The following MAPK10 variants were observed in gnomAD, a reference collection of about 807,000 sequenced individuals.
The protein encoded by MAPK10 is mitogen-activated protein kinase 10.
In MAPK10, 25 loss-of-function variants were observed where a neutral mutation model predicts 59.3. That is an observed-to-expected ratio of 0.42 (90% confidence interval 0.31 to 0.59). The LOEUF (loss-of-function observed/expected upper bound fraction) is 0.59. MAPK10 is among the 20% of genes least tolerant of loss of function. The probability of loss-of-function intolerance (pLI) is 0.15; values close to 1 mark genes in which losing one functional copy is unlikely to be tolerated. For synonymous variants in MAPK10, 190 were observed against 200.5 expected (o/e 0.95, Z 0.44); for missense variants, 351 against 568.9 (o/e 0.62, Z 3.90).
At chr4:86,208,523 T>C (rs1474274612) in intron 2 of MAPK10, among the ~76,000 whole-genome samples, 1 of 151,300 alleles carries the variant, frequency 6.6e-6, no homozygotes, top group Non-Finnish European at 1.5e-5. Flanking sequence ...GAAAAGGCCT[T>C]TGACAAAATT....
At chr4:86,317,732 T>C (rs2095817227) in intron 2 of MAPK10, among the ~76,000 whole-genome samples, 1 of 152,206 alleles carries the variant, frequency 6.6e-6, no homozygotes, top group Admixed American at 6.5e-5. Flanking sequence ...CCATAAATAA[T>C]CCTGGAAATT....
At chr4:86,184,660 C>T (rs1429207843) in intron 3 of MAPK10, among the ~76,000 whole-genome samples, 1 of 152,100 alleles carries the variant, frequency 6.6e-6, no homozygotes, top group South Asian at 2.1e-4. Context: ...CTTATGAGAT[C>T]TGGTTGCTTA....
chr4:86,216,688 T>C (rs1434771269), intron 2 of MAPK10, among the ~76,000 whole-genome samples: 1 of 152,030 alleles, frequency 6.6e-6, no homozygotes, highest in African/African-American at 2.4e-5. Context: ...AAGTAATTAT[T>C]GTTAGAACAT....
chr4:86,217,149 A>G (rs1171001953), intron 2 of MAPK10, among the ~76,000 whole-genome samples: 1 of 152,164 alleles, frequency 6.6e-6, no homozygotes, highest in Non-Finnish European at 1.5e-5. Flanking sequence ...TTTCTCACCA[A>G]AATTTGGCCA....
chr4:86,518,177 T>C (rs973520956), intron 1 of MAPK10, among the ~76,000 whole-genome samples: 1 of 152,156 alleles, frequency 6.6e-6, no homozygotes, highest in African/African-American at 2.4e-5. Context: ...CATGCTCCAC[T>C]ATACCCGGCT....
intron 11 of MAPK10, among the ~76,000 whole-genome samples, chr4:86,059,529 G>T (rs1486049916): frequency 6.6e-6 from 1 of 152,040 alleles, no homozygotes; most frequent in Non-Finnish European, 1.5e-5. Flanking sequence ...CTGTTTCCCA[G>T]GTTATACTCT....
chr4:86,421,480 C>T (rs905655870), intron 1 of MAPK10, among the ~76,000 whole-genome samples: 1 of 152,172 alleles, frequency 6.6e-6, no homozygotes, highest in African/African-American at 2.4e-5. Context: ...CTTGCACACT[C>T]ACAAGTGTCT....
chr4:86,402,987 C>A (rs368089641), intron 1 of MAPK10, among the ~76,000 whole-genome samples: 39 of 152,128 alleles, frequency 2.6e-4, no homozygotes, highest in African/African-American at 7.2e-4. Context: ...ATGGCTGACA[C>A]CTATAGTGAG....
chr4:86,189,661 G>C (rs973660965), intron 3 of MAPK10, among the ~76,000 whole-genome samples: 39 of 152,230 alleles, frequency 2.6e-4, no homozygotes, highest in African/African-American at 8.9e-4. Flanking sequence ...GAGATGATGA[G>C]GTTTTCTAAA....
chr4:86,124,237 T>G (rs1266465869), intron 4 of MAPK10: 1 of 151,898 alleles, frequency 6.6e-6, no homozygotes, highest in African/African-American at 2.4e-5. Flanking sequence ...TAATTCACAT[T>G]GGGTCCAAAT....
intron 1 of MAPK10, among the ~76,000 whole-genome samples, chr4:86,441,395 TTC>T (rs1749411750): frequency 6.6e-6 from 1 of 152,196 alleles, no homozygotes; most frequent in Admixed American, 6.5e-5. Flanking sequence ...CTTCAACAGT[TTC>T]TCTCAGTTTA....
chr4:86,052,503 A>T (rs957968023), intron 11 of MAPK10, among the ~76,000 whole-genome samples: 8 of 152,160 alleles, frequency 5.3e-5, no homozygotes, highest in Non-Finnish European at 1.0e-4. Context: ...GTTTTTCAAA[A>T]GCCCCCAGAA....
chr4:86,582,995 T>G (rs958359754), intron 1 of MAPK10, among the ~76,000 whole-genome samples: 1 of 152,012 alleles, frequency 6.6e-6, no homozygotes, highest in Admixed American at 6.6e-5. Flanking sequence ...CATAAAGATC[T>G]TTCTTATTTA....
chr4:86,563,757 A>G (rs1760850891), intron 1 of MAPK10, among the ~76,000 whole-genome samples: 2 of 152,200 alleles, frequency 1.3e-5, no homozygotes, highest in African/African-American at 2.4e-5. Context: ...ACAAGAGGAC[A>G]TTCACATCCC....
At chr4:86,098,688 T>G in intron 8 of MAPK10, 93 bp from the exon 9 acceptor site, 1 of 1,104,098 alleles carries the variant, frequency 9.1e-7, no homozygotes, top group Non-Finnish European at 1.4e-6. Flanking sequence ...AAAGAACAGT[T>G]TGATTAAAAG....
intron 1 of MAPK10, among the ~76,000 whole-genome samples, chr4:86,551,540 CTTCCTTCCTTCT>C (rs1473236937): frequency 2.7e-5 from 4 of 150,754 alleles, no homozygotes; most frequent in East Asian, 3.9e-4. Context: ...TCCTTCCTTC[CTTCCTTCCTTCT>C]TTCCTTCCTT....
At chr4:86,479,799 C>T (rs1459816862) in intron 1 of MAPK10, among the ~76,000 whole-genome samples, 2 of 152,014 alleles carry the variant, frequency 1.3e-5, no homozygotes, top group African/African-American at 2.4e-5. Flanking sequence ...TTTCAATTCC[C>T]ACAAAATTGT....
chr4:86,572,859 G>C (rs1030840966), intron 1 of MAPK10, among the ~76,000 whole-genome samples: 1 of 152,120 alleles, frequency 6.6e-6, no homozygotes, highest in Admixed American at 6.5e-5. Context: ...GGTATATAAT[G>C]ATATTCATCT....
chr4:86,170,235 T>G (rs2073655419), intron 3 of MAPK10, among the ~76,000 whole-genome samples: 1 of 151,990 alleles, frequency 6.6e-6, no homozygotes, highest in East Asian at 1.9e-4. Context: ...GTAAATGGAC[T>G]AAATGGTCCA....
Sources: allele counts gnomAD v4.1 joint callset (sites outside exome capture counted in the v4.1 genomes callset), GRCh38; gene constraint gnomAD v4.1.1; transcripts MANE v1.5; gene names NCBI Gene and HGNC (gene_info 2026-07-23, HGNC 2026-07-21).